EPHA6: variants seen among roughly 807,000 people sequenced by gnomAD.
EPHA6 encodes EPH receptor A6.
Under a neutral mutation model 112.0 loss-of-function variants are expected in EPHA6, and 50 were observed. The ratio of observed to expected loss-of-function variants is 0.45; its 90% CI spans 0.36 to 0.56. The LOEUF is 0.56. Among genes scored for constraint, EPHA6 ranks in the 20% least tolerant of loss-of-function variants. The pLI is 0.00. For synonymous variants in EPHA6, 529 were observed against 490.7 expected (o/e 1.08, Z -1.03); for missense variants, 1,280 against 1,417.4 (o/e 0.90, Z 1.56).
At chr3:96,834,197 C>T (rs547064917) in intron 1 of EPHA6, among the ~76,000 whole-genome samples, 7 of 151,906 alleles carry the variant, frequency 4.6e-5, no homozygotes, top group South Asian at 2.1e-4. Flanking sequence ...GAGTATGTAA[C>T]GTTTGCATAA....
chr3:97,670,413 G>A (rs983043076), intron 14 of EPHA6, among the ~76,000 whole-genome samples: 2 of 152,116 alleles, frequency 1.3e-5, no homozygotes, highest in South Asian at 2.1e-4. Context: ...CTAGTACTCA[G>A]GTCAAAAAAG....
intron 3 of EPHA6, among the ~76,000 whole-genome samples, chr3:96,990,228 C>A (rs1001141263): frequency 6.6e-6 from 1 of 151,914 alleles, no homozygotes; most frequent in African/African-American, 2.4e-5. Context: ...TTTTTTTTTA[C>A]TTAATATGCT....
At chr3:97,608,020 C>G (rs2093692256) in intron 12 of EPHA6, among the ~76,000 whole-genome samples, 1 of 150,706 alleles carries the variant, frequency 6.6e-6, no homozygotes, top group South Asian at 2.1e-4. Flanking sequence ...TGCTTATAAT[C>G]TTCACAGTAT....
In EPHA6 at chr3:97,718,288, C is replaced by A. The variant is rs370014445; in HGVS notation, c.2785-1973C>A. Among the ~76,000 whole-genome samples the A allele has an allele frequency of 1.7e-3, 264 of 152,310 alleles. 1 individual carries two copies. Among genetic ancestry groups the A allele is most frequent in the African/African-American group, 6.1e-3 (254 of 41,580 alleles). ...ATACAAGTAGAGGTATCCTTACCCC[C>A]TTGTGAAGATCACACCCATTTTTTA... On this transcript the variant is annotated intron_variant, in intron 14 of 17. Transcript: ENST00000389672.
chr3:96,843,195 G>A (rs1249353210), intron 1 of EPHA6, among the ~76,000 whole-genome samples: 1 of 152,034 alleles, frequency 6.6e-6, no homozygotes, highest in East Asian at 1.9e-4. Context: ...TAAAAATACA[G>A]TGTGAAGAGG....
intron 6 of EPHA6, among the ~76,000 whole-genome samples, chr3:97,423,018 T>C (rs967117294): frequency 5.9e-5 from 9 of 152,072 alleles, no homozygotes; most frequent in Admixed American, 2.0e-4. Flanking sequence ...ATAATAAGTG[T>C]CATCTATGAC....
chr3:97,722,228 C>T (rs2034562671), intron 15 of EPHA6, among the ~76,000 whole-genome samples: 1 of 152,114 alleles, frequency 6.6e-6, no homozygotes, highest in Non-Finnish European at 1.5e-5. Flanking sequence ...CCATAGATGG[C>T]ATATGTATAT....
At chr3:96,876,788 C>G (rs780113464) in intron 2 of EPHA6, among the ~76,000 whole-genome samples, 4 of 152,064 alleles carry the variant, frequency 2.6e-5, no homozygotes, top group Non-Finnish European at 4.4e-5. Context: ...CACTCCAACC[C>G]CCACTTTCTC....
At chr3:96,816,903 C>T (rs965295111) in intron 1 of EPHA6, among the ~76,000 whole-genome samples, 1 of 151,866 alleles carries the variant, frequency 6.6e-6, no homozygotes, top group Non-Finnish European at 1.5e-5. Flanking sequence ...ATGACTTTCT[C>T]ATAGTATTTA....
intron 11 of EPHA6, among the ~76,000 whole-genome samples, chr3:97,547,028 G>A (rs940656457): frequency 1.2e-4 from 18 of 152,104 alleles, no homozygotes; most frequent in Admixed American, 3.3e-4. Context: ...CTGTAGCTCG[G>A]AGTACTTTTA....
At chr3:97,565,123 A>C (rs1475526263) in intron 11 of EPHA6, among the ~76,000 whole-genome samples, 1 of 152,184 alleles carries the variant, frequency 6.6e-6, no homozygotes, top group African/African-American at 2.4e-5. Flanking sequence ...AAGAGAATTT[A>C]GTTTCACAAG....
At chr3:97,607,149 T>A (rs887821312) in intron 12 of EPHA6, among the ~76,000 whole-genome samples, 1 of 149,412 alleles carries the variant, frequency 6.7e-6, no homozygotes, top group Admixed American at 6.7e-5. Flanking sequence ...GTTAAGTCTC[T>A]GTTATCCTCT....
intron 2 of EPHA6, among the ~76,000 whole-genome samples, chr3:96,914,655 A>T (rs575507519): frequency 6.6e-6 from 1 of 152,316 alleles, no homozygotes; most frequent in East Asian, 1.9e-4. Flanking sequence ...TAGTAGAGAA[A>T]ATCCTGTTAA....
chr3:97,588,506 G>A (rs1268480548), intron 11 of EPHA6, among the ~76,000 whole-genome samples: 1 of 152,052 alleles, frequency 6.6e-6, no homozygotes, highest in Non-Finnish European at 1.5e-5. Flanking sequence ...TAAACTTTTT[G>A]CCATCAAAAG....
intron 11 of EPHA6, chr3:97,570,085 AT>A (rs1373622701): frequency 6.6e-6 from 1 of 152,198 alleles, no homozygotes; most frequent in Non-Finnish European, 1.5e-5. Context: ...CCCTAAGAAT[AT>A]TTATTTTTAT....
At chr3:97,442,564 T>G (rs1280863180) in intron 6 of EPHA6, among the ~76,000 whole-genome samples, 2 of 152,062 alleles carry the variant, frequency 1.3e-5, no homozygotes, top group African/African-American at 4.8e-5. Context: ...GACGAGACTC[T>G]GCCTCAAAAA....
chr3:96,892,781 C>T (rs930209480), intron 2 of EPHA6, among the ~76,000 whole-genome samples: 1 of 151,550 alleles, frequency 6.6e-6, no homozygotes, highest in Non-Finnish European at 1.5e-5. Context: ...AACCTTTTAA[C>T]CTGTTCCTTG....
chr3:97,552,756 C>T (rs994680547), intron 11 of EPHA6, among the ~76,000 whole-genome samples: 1 of 152,116 alleles, frequency 6.6e-6, no homozygotes, highest in African/African-American at 2.4e-5. Flanking sequence ...CCATAAAGCA[C>T]CTCTTCAATG....
At chr3:97,125,957 A>C (rs1000238813) in intron 3 of EPHA6, among the ~76,000 whole-genome samples, 6 of 152,186 alleles carry the variant, frequency 3.9e-5, no homozygotes, top group Non-Finnish European at 8.8e-5. Context: ...CTTCGATCAG[A>C]GGCACACATC....
Sources: gnomAD v4.1 joint callset for allele counts (sites outside exome capture counted in the v4.1 genomes callset) on GRCh38, gnomAD v4.1.1 for gene constraint, MANE v1.5 for transcripts, NCBI Gene and HGNC (gene_info 2026-07-23, HGNC 2026-07-21) for gene names.